The following NRG4 variants were observed in gnomAD, a reference collection of about 807,000 sequenced individuals.
NRG4 encodes neuregulin 4.
NRG4 carries 10 observed loss-of-function variants against 15.0 expected under a neutral mutation model. The observed-to-expected ratio is 0.67, with a 90% CI of 0.41 to 1.13. The LOEUF (loss-of-function observed/expected upper bound fraction) is 1.13, where lower values mean the gene tolerates loss of function less well. Ranked by LOEUF, NRG4 falls within the 50% of genes most tolerant of loss-of-function variation. NRG4 has a pLI of 0.00. For missense variants in NRG4, 139 were observed against 140.2 expected (o/e 0.99, Z 0.04); for synonymous variants, 41 against 50.1 (o/e 0.82, Z 0.77).
intron 5 of NRG4, among the ~76,000 whole-genome samples, chr15:76,027,024 G>C (rs1375770699): frequency 6.6e-6 from 1 of 152,118 alleles, no homozygotes; most frequent in Non-Finnish European, 1.5e-5. Context: ...CAGGAGCTGA[G>C]GCAGGAGAAT....
At chr15:75,971,128 A>G (rs1396657754) in intron 3 of NRG4, 1 of 380,724 alleles carries the variant, frequency 2.6e-6, no homozygotes, top group Non-Finnish European at 5.2e-6. Context: ...GACTAGTTTC[A>G]TACCTATTTG....
intron 3 of NRG4, among the ~76,000 whole-genome samples, chr15:76,001,803 T>C (rs2034425491): frequency 6.6e-6 from 1 of 152,228 alleles, no homozygotes; most frequent in South Asian, 2.1e-4. Context: ...TTTTTGGTTT[T>C]GATCTTTGAA....
intron 4 of NRG4, among the ~76,000 whole-genome samples, chr15:76,037,593 G>A (rs998787299): frequency 6.6e-6 from 1 of 152,078 alleles, no homozygotes; most frequent in African/African-American, 2.4e-5. Flanking sequence ...AGTGCTCTGG[G>A]GCCCTAAATA....
chr15:75,978,203 C>T (rs2033451473), intron 3 of NRG4, among the ~76,000 whole-genome samples: 1 of 152,156 alleles, frequency 6.6e-6, no homozygotes, highest in South Asian at 2.1e-4. Context: ...CCACATCCAC[C>T]CAGTACCCTT....
At chr15:75,940,192 A>G (rs985781461), downstream of NRG4, 6 of 152,092 alleles carry the variant, frequency 3.9e-5, no homozygotes, top group Admixed American at 2.0e-4. Context: ...ATTCCTATAC[A>G]CTAACAATGA....
intron 5 of NRG4, among the ~76,000 whole-genome samples, chr15:75,948,292 G>C (rs1380851477): frequency 6.7e-6 from 1 of 149,092 alleles, no homozygotes; most frequent in Non-Finnish European, 1.5e-5. Flanking sequence ...CTTACGTTTA[G>C]GTCTTTGATC....
Position 75,943,265 on chromosome 15 carries a change from T to C in NRG4, c.*373A>G, listed in dbSNP as rs1467516910. The stretch of plus-strand genomic sequence containing the variant: ...GTGGTTTTGAAGCCACTAAGCCAGC[T>C]ACTCCTTGCATTTAAAGGGTTTTCA... On this transcript the variant is annotated 3_prime_UTR_variant, in exon 6 of 6. Transcript: ENST00000394907. 2.1e-5 allele frequency: 4 copies of C among 186,378 alleles called. No homozygotes were observed. Among genetic ancestry groups the C allele is most frequent in the Admixed American group, 6.1e-5 (1 of 16,292 alleles). The allele number at this position is 186,378 out of a possible 1,614,324, so 11.5% of individuals were successfully genotyped here.
chr15:76,030,217 C>T lies in NRG4; in HGVS notation c.-57+5727G>A, dbSNP rs149133976. 7.3e-3 allele frequency among the ~76,000 whole-genome samples: 1,113 copies of T among 152,218 alleles called. 12 individuals carry two copies. Among genetic ancestry groups the T allele is most frequent in the African/African-American group, 0.025 (1,048 of 41,532 alleles). On this transcript the variant is annotated intron_variant, in intron 5 of 8. Coordinates refer to the NRG4 transcript ENST00000563910. ...GAGGTTGCAATGAGCCAAGATCACA[C>T]CACTGCACTCCAGCCTAGGCAACAG...
At chr15:75,995,221 G>C (rs568117699) in intron 3 of NRG4, among the ~76,000 whole-genome samples, 4 of 151,814 alleles carry the variant, frequency 2.6e-5, no homozygotes, top group African/African-American at 9.7e-5. Context: ...AAGAAAGAAA[G>C]AAAGAAAAGC....
chr15:75,943,337 G>A lies in NRG4; in HGVS notation c.*301C>T, dbSNP rs2031190228. 2.7e-6 allele frequency: 1 copy of A among 375,518 alleles called. No individual in the cohort carries two copies. Among genetic ancestry groups the A allele is most frequent in the Non-Finnish European group, 4.8e-6 (1 of 209,816 alleles). 23.3% of individuals were successfully genotyped at this position (375,518 alleles called of 1,614,324 possible). A position where few individuals can be genotyped will look rare whatever the true frequency, so the allele number is the denominator to read the frequency against. On this transcript the variant is annotated 3_prime_UTR_variant, in exon 6 of 6. Coordinates refer to ENST00000394907, the MANE Select transcript of NRG4 (RefSeq NM_138573.4). ...TATATCCCTTAGGGTTTCTCTCTAG[G>A]TGTGTGAACATTTGCCTCTGGTTGC...
Position 75,940,973 on chromosome 15 carries a change from A to G in NRG4, c.*2665T>C, listed in dbSNP as rs1361932126. 1 of 152,170 alleles carries G rather than the reference A, an allele frequency of 6.6e-6. No individual in the cohort carries two copies. Among genetic ancestry groups the G allele is most frequent in the East Asian group, 1.9e-4 (1 of 5,204 alleles). 9.4% of individuals were successfully genotyped at this position (152,170 alleles called of 1,614,324 possible). ...ACTTCATTAAAATTTTGTGCATCAA[A>G]GAACACTATCAACAGAGTAAAAAGA... On this transcript the variant is annotated 3_prime_UTR_variant, in exon 6 of 6. Coordinates refer to ENST00000394907, the MANE Select transcript of NRG4 (RefSeq NM_138573.4).
At chr15:76,012,903 AC>A (rs1283051609), upstream of NRG4, among the ~76,000 whole-genome samples, 1 of 152,216 alleles carries the variant, frequency 6.6e-6, no homozygotes, top group Admixed American at 6.5e-5. Context: ...GAATAAAATC[AC>A]TGAACTTGAC....
intron 5 of NRG4, among the ~76,000 whole-genome samples, chr15:76,025,438 C>CA (rs1469775747): frequency 6.8e-6 from 1 of 147,356 alleles, no homozygotes; most frequent in Admixed American, 6.7e-5. Flanking sequence ...GACTCTGTCT[C>CA]AAAAAAAAGA....
chr15:75,993,190 A>G (rs2034084459), intron 3 of NRG4, among the ~76,000 whole-genome samples: 1 of 151,086 alleles, frequency 6.6e-6, no homozygotes, highest in Non-Finnish European at 1.5e-5. Context: ...CCATTTGACT[A>G]TGATGTGTCT....
intron 3 of NRG4, among the ~76,000 whole-genome samples, chr15:75,970,852 T>G (rs1206112283): frequency 1.3e-5 from 2 of 152,200 alleles, no homozygotes; most frequent in Non-Finnish European, 2.9e-5. Flanking sequence ...GTTGAAAGAT[T>G]AGGGCCTGGC....
chr15:76,049,564 T>A (rs1277112539), intron 4 of NRG4, among the ~76,000 whole-genome samples: 1 of 151,000 alleles, frequency 6.6e-6, no homozygotes, highest in Non-Finnish European at 1.5e-5. Flanking sequence ...AAACCCTTTT[T>A]ACCCTCAATT....
chr15:76,053,478 C>T (rs2036074160), intron 2 of NRG4: 1 of 150,968 alleles, frequency 6.6e-6, no homozygotes, highest in African/African-American at 2.5e-5. Flanking sequence ...GCAAGTATTC[C>T]ATAAATGTCA....
chr15:76,009,713 T>C (rs1035189904), intron 2 of NRG4, among the ~76,000 whole-genome samples: 10 of 152,166 alleles, frequency 6.6e-5, no homozygotes, highest in Admixed American at 1.3e-4. Context: ...TACATTAATA[T>C]CTGAAATTGC....
At chr15:75,957,942 A>G (rs1307820645) in intron 4 of NRG4, among the ~76,000 whole-genome samples, 3 of 152,116 alleles carry the variant, frequency 2.0e-5, no homozygotes, top group African/African-American at 7.2e-5. Context: ...ATTATATTTG[A>G]TTCATTGGAG....
Sources: gnomAD v4.1 joint callset for allele counts (sites outside exome capture counted in the v4.1 genomes callset) on GRCh38, gnomAD v4.1.1 for gene constraint, MANE v1.5 for transcripts, NCBI Gene and HGNC (gene_info 2026-07-23, HGNC 2026-07-21) for gene names.